Variants in BANP observed in about 807,000 individuals in gnomAD.
The protein encoded by BANP is protein BANP.
In BANP, 11 loss-of-function variants were observed where a neutral mutation model predicts 68.1. The observed-to-expected ratio is 0.16, with a 90% confidence interval of 0.10 to 0.27. The LOEUF (loss-of-function observed/expected upper bound fraction) is 0.27. Ranked by LOEUF, BANP falls within the 10% of genes least tolerant of loss-of-function variation. The probability of loss-of-function intolerance (pLI) is 1.00; values close to 1 mark genes in which losing one functional copy is unlikely to be tolerated. For synonymous variants in BANP, 329 were observed against 303.2 expected, an observed-to-expected ratio of 1.09 and a Z score of -0.88; for missense variants, 504 against 722.7, an observed-to-expected ratio of 0.70 and a Z score of 3.47.
intron 4 of BANP, among the ~76,000 whole-genome samples, chr16:87,991,506 A>G (rs2065892096): frequency 6.6e-6 from 1 of 152,236 alleles, no homozygotes; most frequent in African/African-American, 2.4e-5. Context: ...ACTTAACAGT[A>G]TTGAGTATTC....
chr16:87,984,638 A>G (rs1270034521), intron 4 of BANP, among the ~76,000 whole-genome samples: 3 of 152,264 alleles, frequency 2.0e-5, no homozygotes, highest in Non-Finnish European at 2.9e-5. Context: ...GAATATATCA[A>G]ACTTTTCATT....
chr16:87,973,835 G>A (rs2061568287), intron 1 of BANP, among the ~76,000 whole-genome samples: 1 of 152,054 alleles, frequency 6.6e-6, no homozygotes, highest in Admixed American at 6.5e-5. Flanking sequence ...CTAGACAAAG[G>A]AGAGGAGGAA....
intron 1 of BANP, among the ~76,000 whole-genome samples, chr16:87,962,444 T>A (rs2059359833): frequency 6.6e-6 from 1 of 152,180 alleles, no homozygotes; most frequent in Non-Finnish European, 1.5e-5. Context: ...AGGTAGAATC[T>A]GTACAGGTGC....
chr16:87,970,825 C>G (rs184357289), intron 1 of BANP, among the ~76,000 whole-genome samples: 2 of 152,186 alleles, frequency 1.3e-5, no homozygotes, highest in East Asian at 3.9e-4. Flanking sequence ...TTGAGACCAG[C>G]CTGGCCACAG....
chr16:88,071,383 C>CT lies in BANP; in HGVS notation c.1378-684dup, dbSNP rs1206605261. 3 of 423,668 alleles carry CT rather than the reference C, an allele frequency of 7.1e-6. No homozygotes were observed. Among genetic ancestry groups the CT allele is most frequent in the East Asian group, 1.4e-4 (2 of 14,068 alleles). The allele number at this position is 423,668 out of a possible 1,614,324, so 26.2% of individuals were successfully genotyped here. ...ATTGAGTGGGAAGTGGGCCTGGGTG[C>CT]TTACAGGCGATGGGGTCACCAGAGC... On this transcript the variant is annotated intron_variant, in intron 12 of 13. Transcript: ENST00000682872. The surrounding 1 kb of genome is among the most constrained non-coding windows in gnomAD (Gnocchi z 6.5).
intron 11 of BANP, among the ~76,000 whole-genome samples, chr16:88,053,134 A>G (rs2083714024): frequency 1.3e-5 from 2 of 151,138 alleles, no homozygotes; most frequent in African/African-American, 2.4e-5. Flanking sequence ...TGTCATCTCC[A>G]TCATCATCAT....
upstream of BANP, chr16:87,951,355 C>T (rs937506236): frequency 4.0e-5 from 6 of 151,732 alleles, no homozygotes; most frequent in East Asian, 3.9e-4. Flanking sequence ...GGTGCCCCGC[C>T]CCCGGGCCCG....
Position 87,957,228 on chromosome 16 carries a change from C to T in BANP, c.-69+5713C>T, listed in dbSNP as rs540630003. Among the ~76,000 whole-genome samples, 3 of 152,100 alleles carry T rather than the reference C, an allele frequency of 2.0e-5. No individual in the cohort carries two copies. Among genetic ancestry groups the T allele is most frequent in the South Asian group, 2.1e-4 (1 of 4,816 alleles). On this transcript the variant is annotated intron_variant, in intron 1 of 13. Coordinates refer to ENST00000682872, the MANE Select transcript of BANP (RefSeq NM_001386991.1). The surrounding 1 kb of genome is among the most constrained non-coding windows in gnomAD (Gnocchi z 4.3). ...AGGGGTCAGTGGTGGTGGAGGATGG[C>T]GCGGTGCTCCATTCGGAACCCACAG...
At chr16:88,042,649 G>T (rs1225093807) in intron 11 of BANP, among the ~76,000 whole-genome samples, 1 of 152,084 alleles carries the variant, frequency 6.6e-6, no homozygotes, top group Admixed American at 6.5e-5. Context: ...TTTTGTGCTG[G>T]CTCACACCTG....
chr16:88,027,405 C>G, intron 7 of BANP, 78 bp from the exon 8 acceptor site: 2 of 1,554,994 alleles, frequency 1.3e-6, no homozygotes, highest in Non-Finnish European at 1.8e-6. Context: ...TTCAGCGGGC[C>G]CCGGCCCTGC....
At chr16:87,965,557 A>G (rs985395639) in intron 1 of BANP, among the ~76,000 whole-genome samples, 1 of 145,330 alleles carries the variant, frequency 6.9e-6, no homozygotes, top group African/African-American at 2.6e-5. Flanking sequence ...AGGATCACCC[A>G]CTAAGCCCGA....
At chr16:87,997,526 C>A (rs1049122794) in intron 4 of BANP, among the ~76,000 whole-genome samples, 1 of 152,042 alleles carries the variant, frequency 6.6e-6, no homozygotes, top group African/African-American at 2.4e-5. Context: ...ACCATGTGTT[C>A]CTGGTAAAGT....
intron 11 of BANP, among the ~76,000 whole-genome samples, chr16:88,046,661 T>A (rs914118340): frequency 6.6e-6 from 1 of 152,048 alleles, no homozygotes; most frequent in Non-Finnish European, 1.5e-5. Context: ...TTCTCCTGCC[T>A]CAGCCTCCTG....
At chr16:87,974,477 A>C (rs1597961468) in intron 1 of BANP, among the ~76,000 whole-genome samples, 1 of 152,224 alleles carries the variant, frequency 6.6e-6, no homozygotes, top group African/African-American at 2.4e-5. Flanking sequence ...AGCAGAAAGA[A>C]AGCAGAACAG....
intron 4 of BANP, among the ~76,000 whole-genome samples, chr16:87,997,327 G>T (rs1316100035): frequency 6.6e-6 from 1 of 152,274 alleles, no homozygotes; most frequent in Non-Finnish European, 1.5e-5. Context: ...AGGGTGAGTT[G>T]TAGCAGTGGT....
chr16:88,045,379 G>A (rs2081760992), intron 11 of BANP, among the ~76,000 whole-genome samples: 1 of 152,230 alleles, frequency 6.6e-6, no homozygotes, highest in African/African-American at 2.4e-5. Context: ...GCGTGCACTT[G>A]AGCGTTTCTT....
intron 4 of BANP, among the ~76,000 whole-genome samples, chr16:87,998,074 A>G (rs1354157506): frequency 6.6e-6 from 1 of 152,174 alleles, no homozygotes; most frequent in African/African-American, 2.4e-5. Flanking sequence ...CATGTGAACC[A>G]GCGGGTCGAG....
intron 11 of BANP, among the ~76,000 whole-genome samples, chr16:88,042,101 C>T (rs1053042912): frequency 4.6e-5 from 7 of 152,250 alleles, no homozygotes; most frequent in African/African-American, 1.2e-4. Flanking sequence ...GGGTGACTGC[C>T]TGTGCAAGGC....
At chr16:87,958,158 T>C (rs1647210438) in intron 1 of BANP, among the ~76,000 whole-genome samples, 1 of 151,892 alleles carries the variant, frequency 6.6e-6, no homozygotes, top group Admixed American at 6.6e-5. Context: ...TGTTAGGTGG[T>C]GGTCCTTGGT....
Sources: gnomAD v4.1 joint callset for allele counts (sites outside exome capture counted in the v4.1 genomes callset) on GRCh38, gnomAD v4.1.1 for gene constraint, Gnocchi (gnomAD v3.1) non-coding constraint, MANE v1.5 for transcripts, NCBI Gene and HGNC (gene_info 2026-07-23, HGNC 2026-07-21) for gene names.